The following DNAAF4 variants were observed in gnomAD, a reference collection of about 807,000 sequenced individuals.
DNAAF4 encodes the protein dynein assembly factor 4, axonemal.
DNAAF4 carries 43 observed loss-of-function variants against 51.8 expected under a neutral mutation model. The ratio of observed to expected loss-of-function variants is 0.83; its 90% CI spans 0.65 to 1.07. The LOEUF (loss-of-function observed/expected upper bound fraction) is 1.07, where lower values mean the gene tolerates loss of function less well. DNAAF4 is among the 50% of genes least tolerant of loss of function. The pLI is 0.00. For missense variants in DNAAF4, 581 were observed against 493.0 expected (o/e 1.18, Z -1.69); for synonymous variants, 194 against 165.6 (o/e 1.17, Z -1.32).
At chr15:55,442,900 TG>T in intron 6 of DNAAF4, 1 of 1,612,270 alleles carries the variant, frequency 6.2e-7, no homozygotes. Context: ...GGCACCTCCA[TG>T]AATCAATCCA....
At chr15:55,446,420 G>A (rs2057817332) in intron 6 of DNAAF4, among the ~76,000 whole-genome samples, 1 of 148,234 alleles carries the variant, frequency 6.7e-6, no homozygotes, top group African/African-American at 2.5e-5. Flanking sequence ...TCCCAGACGG[G>A]GCGGCCGGGC....
At chr15:55,418,437 G>A in intron 7 of DNAAF4, 2 of 1,523,560 alleles carry the variant, frequency 1.3e-6, no homozygotes, top group Non-Finnish European at 1.8e-6. Flanking sequence ...TTTTTCCCCT[G>A]CAATTATACT....
intron 1 of DNAAF4, among the ~76,000 whole-genome samples, chr15:55,502,174 G>A (rs931437864): frequency 1.3e-5 from 2 of 152,124 alleles, no homozygotes; most frequent in African/African-American, 2.4e-5. Flanking sequence ...ATTGCTCACT[G>A]AGCAAGAGAG....
intron 3 of DNAAF4, among the ~76,000 whole-genome samples, chr15:55,496,743 C>T (rs971903370): frequency 4.1e-5 from 6 of 147,832 alleles, no homozygotes; most frequent in African/African-American, 1.5e-4. Context: ...GCTCATAAGC[C>T]TTTTTTTTTT....
intron 4 of DNAAF4, among the ~76,000 whole-genome samples, chr15:55,489,575 T>C (rs560620639): frequency 2.0e-5 from 3 of 150,182 alleles, no homozygotes; most frequent in Non-Finnish European, 2.9e-5. Context: ...CTCAGGAGAC[T>C]GAGGCATGAG....
intron 4 of DNAAF4, among the ~76,000 whole-genome samples, chr15:55,481,271 A>G (rs2058406836): frequency 6.6e-6 from 1 of 152,144 alleles, no homozygotes. Flanking sequence ...TTTCATATCA[A>G]CCAATCAGGA....
chr15:55,464,580 G>A, intron 5 of DNAAF4, among the ~76,000 whole-genome samples: 1 of 152,126 alleles, frequency 6.6e-6, no homozygotes, highest in Non-Finnish European at 1.5e-5. Context: ...TATCCACAAT[G>A]TACAGGGAAC....
intron 4 of DNAAF4, among the ~76,000 whole-genome samples, chr15:55,469,307 G>C (rs1395352097): frequency 6.6e-6 from 1 of 150,962 alleles, no homozygotes; most frequent in Non-Finnish European, 1.5e-5. Flanking sequence ...TCAAACCTGG[G>C]GGACAAGAGC....
intron 6 of DNAAF4, chr15:55,442,843 G>A: frequency 6.2e-7 from 1 of 1,612,778 alleles, no homozygotes; most frequent in East Asian, 2.2e-5. Context: ...GATTCCCCCA[G>A]CCATCATTGC....
chr15:55,495,359 A>T (rs2058627436), intron 3 of DNAAF4, among the ~76,000 whole-genome samples: 1 of 152,212 alleles, frequency 6.6e-6, no homozygotes, highest in Non-Finnish European at 1.5e-5. Context: ...AGATACCAAG[A>T]AAGCCTTGAT....
intron 6 of DNAAF4, among the ~76,000 whole-genome samples, chr15:55,446,851 A>C (rs1341522808): frequency 2.1e-5 from 3 of 143,838 alleles, no homozygotes; most frequent in East Asian, 2.1e-4. Flanking sequence ...GGCCGGGCAG[A>C]GGTGCTCCTC....
At chr15:55,437,707 G>A (rs1368415123) in intron 7 of DNAAF4, among the ~76,000 whole-genome samples, 2 of 152,152 alleles carry the variant, frequency 1.3e-5, no homozygotes, top group African/African-American at 2.4e-5. Context: ...AGGAGATCAC[G>A]GAAGCAGAGG....
intron 1 of DNAAF4, among the ~76,000 whole-genome samples, chr15:55,501,394 G>A (rs1186643866): frequency 1.9e-5 from 1 of 51,762 alleles, no homozygotes; most frequent in African/African-American, 7.3e-5. Context: ...TTTTTTTTTT[G>A]AGGCGGAGTC....
chr15:55,427,190 C>T (rs190712020), downstream of DNAAF4, among the ~76,000 whole-genome samples: 20 of 152,166 alleles, frequency 1.3e-4, no homozygotes, highest in African/African-American at 4.6e-4. Context: ...CTCAGCCTCC[C>T]GAGTGGCTGG....
At chr15:55,462,175 G>C (rs1367228438) in intron 5 of DNAAF4, among the ~76,000 whole-genome samples, 1 of 151,728 alleles carries the variant, frequency 6.6e-6, no homozygotes, top group Non-Finnish European at 1.5e-5. Flanking sequence ...AAAAAGTCCA[G>C]GACCAGATGG....
At chr15:55,438,005 T>C (rs530078031) in intron 7 of DNAAF4, among the ~76,000 whole-genome samples, 1 of 152,330 alleles carries the variant, frequency 6.6e-6, no homozygotes, top group East Asian at 1.9e-4. Context: ...ATAATATCTA[T>C]AGCCGCCTCA....
At chr15:55,431,359 TACACAC>T (rs34741079) in intron 9 of DNAAF4, among the ~76,000 whole-genome samples, 60,605 of 149,332 alleles carry the variant, frequency 0.41, 12,775 homozygotes, top group Non-Finnish European at 0.48. Context: ...GGTGTGTGTA[TACACAC>T]ACACACACAC....
intron 5 of DNAAF4, among the ~76,000 whole-genome samples, chr15:55,456,239 C>T (rs1039722712): frequency 3.3e-5 from 5 of 151,888 alleles, no homozygotes; most frequent in Admixed American, 6.6e-5. Context: ...CCCACCACCA[C>T]GTCCGGCTAG....
At chr15:55,506,225 A>C (rs1363096606) in intron 1 of DNAAF4, among the ~76,000 whole-genome samples, 5 of 152,246 alleles carry the variant, frequency 3.3e-5, no homozygotes, top group South Asian at 2.1e-4. Flanking sequence ...TATATAGAGA[A>C]AAAGAAACAC....
Sources: allele counts gnomAD v4.1 joint callset (sites outside exome capture counted in the v4.1 genomes callset), GRCh38; gene constraint gnomAD v4.1.1; transcripts MANE v1.5; gene names NCBI Gene and HGNC (gene_info 2026-07-23, HGNC 2026-07-21).